CHN1: variants seen among roughly 807,000 people sequenced by gnomAD.
CHN1 encodes chimerin 1.
In CHN1, 37 loss-of-function variants were observed where a neutral mutation model predicts 59.5. That is an observed-to-expected ratio of 0.62 (90% CI 0.48 to 0.82). The LOEUF (loss-of-function observed/expected upper bound fraction) is 0.82. Ranked by LOEUF, CHN1 falls within the 40% of genes least tolerant of loss-of-function variation. The pLI, the probability that CHN1 is intolerant of heterozygous loss-of-function variation, is 0.00. For synonymous variants in CHN1, 206 were observed against 200.4 expected, an observed-to-expected ratio of 1.03 and a Z score of -0.24; for missense variants, 469 against 571.0, an observed-to-expected ratio of 0.82 and a Z score of 1.82.
In CHN1 at chr2:174,799,947, T is replaced by G. The variant is rs752691510; in HGVS notation, c.*169A>C. The G allele has an allele frequency of 2.4e-5, 17 of 712,862 alleles. No individual in the cohort carries two copies. Among genetic ancestry groups the G allele is most frequent in the Non-Finnish European group, 3.7e-5 (15 of 400,258 alleles). 44.2% of individuals were successfully genotyped at this position (712,862 alleles called of 1,614,324 possible). On this transcript the variant is annotated 3_prime_UTR_variant, in exon 13 of 13. Transcript: ENST00000409900. Reference sequence around the variant, plus strand: ...ACCAGAAAGCGTGTGTTCACTGTTTTACAAGACAGCTGAGCGGTGCTACAA... The same window carrying G: ...ACCAGAAAGCGTGTGTTCACTGTTTGACAAGACAGCTGAGCGGTGCTACAA...
At chr2:174,962,667 G>C (rs1025779379) in intron 1 of CHN1, among the ~76,000 whole-genome samples, 4 of 72,688 alleles carry the variant, frequency 5.5e-5, no homozygotes, top group African/African-American at 1.3e-4. Flanking sequence ...AAGGCCCGGG[G>C]GGGGGGGGGG....
chr2:174,818,374 G>A (rs1169718449), intron 8 of CHN1, among the ~76,000 whole-genome samples: 1 of 152,170 alleles, frequency 6.6e-6, no homozygotes, highest in Non-Finnish European at 1.5e-5. Flanking sequence ...TACATTCACA[G>A]TGCAATTCAC....
chr2:174,880,686 T>C (rs2105336329), intron 5 of CHN1, among the ~76,000 whole-genome samples: 1 of 152,274 alleles, frequency 6.6e-6, no homozygotes, highest in East Asian at 1.9e-4. Context: ...AGAGTTCCTA[T>C]CGCTTGGTAA....
chr2:175,000,698 C>T (rs1196000554), intron 1 of CHN1, among the ~76,000 whole-genome samples: 1 of 152,174 alleles, frequency 6.6e-6, no homozygotes, highest in Non-Finnish European at 1.5e-5. Context: ...CCCACCTCGG[C>T]CTCCCAAAAT....
At chr2:174,972,411 C>A (rs1318812606) in intron 1 of CHN1, among the ~76,000 whole-genome samples, 1 of 152,156 alleles carries the variant, frequency 6.6e-6, no homozygotes, top group Non-Finnish European at 1.5e-5. Context: ...AATCCCTAAC[C>A]CAATTTCAAA....
chr2:174,826,749 G>A (rs1406063156), intron 7 of CHN1, among the ~76,000 whole-genome samples: 1 of 152,140 alleles, frequency 6.6e-6, no homozygotes, highest in Non-Finnish European at 1.5e-5. Context: ...CAAAAAGCCT[G>A]GGATATTTCT....
chr2:174,808,808 C>T lies in CHN1; in HGVS notation c.1102+97G>A, dbSNP rs1001362767. 3.0e-6 allele frequency: 4 copies of T among 1,322,454 alleles called. No individual in the cohort carries two copies. The African/African-American group carries it at 5.8e-5, about 19-fold the overall frequency. The allele number at this position is 1,322,454 out of a possible 1,614,324, so 81.9% of individuals were successfully genotyped here. A position where few individuals can be genotyped will look rare whatever the true frequency, so the allele number is the denominator to read the frequency against. On this transcript the variant is annotated intron_variant, in intron 11 of 12. Transcript: ENST00000409900. ...ACCATAGAGAGAGGCAAAGGGGAAACATTTCATAAAATGCATTCAAGTTAG... is the reference window on the plus strand; with the variant it reads ...ACCATAGAGAGAGGCAAAGGGGAAATATTTCATAAAATGCATTCAAGTTAG...
chr2:174,927,915 CT>C (rs34710467), intron 3 of CHN1, among the ~76,000 whole-genome samples: 2 of 151,884 alleles, frequency 1.3e-5, no homozygotes, highest in Non-Finnish European at 1.5e-5. Flanking sequence ...CAAAATAGTA[CT>C]TTTTTTTCAG....
At chr2:174,819,448 C>T (rs954287395) in intron 8 of CHN1, among the ~76,000 whole-genome samples, 2 of 152,154 alleles carry the variant, frequency 1.3e-5, no homozygotes, top group African/African-American at 4.8e-5. Flanking sequence ...AATAATTATC[C>T]TTCTTAATTT....
chr2:174,808,797 C>A, intron 11 of CHN1, 108 bp downstream of exon 11: 1 of 1,203,616 alleles, frequency 8.3e-7, no homozygotes, highest in South Asian at 1.3e-5. Flanking sequence ...TAGAGAGAGG[C>A]AAAGGGGAAA....
At chr2:174,872,600 G>A (rs1428000288) in intron 6 of CHN1, among the ~76,000 whole-genome samples, 1 of 152,134 alleles carries the variant, frequency 6.6e-6, no homozygotes, top group Non-Finnish European at 1.5e-5. Context: ...AAAGGCATAC[G>A]TTTCCTGATT....
At chr2:174,890,894 C>A (rs181880017) in intron 5 of CHN1, among the ~76,000 whole-genome samples, 1 of 151,878 alleles carries the variant, frequency 6.6e-6, no homozygotes, top group Admixed American at 6.6e-5. Context: ...TTTCTGATCA[C>A]AATGAAGTGA....
At chr2:174,975,837 TA>T (rs1345052899) in intron 1 of CHN1, among the ~76,000 whole-genome samples, 1 of 151,854 alleles carries the variant, frequency 6.6e-6, no homozygotes. Context: ...TATATATCTT[TA>T]AAACAAACAA....
At chr2:174,807,931 A>C (rs190544080) in intron 11 of CHN1, among the ~76,000 whole-genome samples, 1 of 152,372 alleles carries the variant, frequency 6.6e-6, no homozygotes, top group East Asian at 1.9e-4. Flanking sequence ...TGACAGAAAT[A>C]GCCTATCTTT....
chr2:174,925,263 T>A (rs1046716851), intron 3 of CHN1, among the ~76,000 whole-genome samples: 2 of 152,104 alleles, frequency 1.3e-5, no homozygotes, highest in African/African-American at 4.8e-5. Flanking sequence ...AGCATTAACA[T>A]TGAAATAGAG....
chr2:174,950,787 T>G (rs1008096311), intron 2 of CHN1, among the ~76,000 whole-genome samples: 18 of 150,366 alleles, frequency 1.2e-4, no homozygotes, highest in Admixed American at 8.6e-4. Context: ...GTTTTTTTTT[T>G]TTTTTTTTTT....
chr2:174,982,386 G>A (rs751558884), intron 1 of CHN1, among the ~76,000 whole-genome samples: 2 of 152,150 alleles, frequency 1.3e-5, no homozygotes, highest in African/African-American at 4.8e-5. Context: ...GACTTCCACA[G>A]TGGTTGAACT....
intron 6 of CHN1, among the ~76,000 whole-genome samples, chr2:174,869,516 G>C (rs1687337307): frequency 6.6e-6 from 1 of 151,832 alleles, no homozygotes; most frequent in African/African-American, 2.4e-5. Context: ...TCTGGGTGGG[G>C]GTAAGATTTT....
chr2:174,838,156 C>T (rs527277352), intron 7 of CHN1, among the ~76,000 whole-genome samples: 2 of 152,016 alleles, frequency 1.3e-5, no homozygotes, highest in South Asian at 2.1e-4. Flanking sequence ...TGCAATGGCA[C>T]GATCTTGGCT....
Sources: allele counts gnomAD v4.1 joint callset (sites outside exome capture counted in the v4.1 genomes callset), GRCh38; gene constraint gnomAD v4.1.1; transcripts MANE v1.5; gene names NCBI Gene and HGNC (gene_info 2026-07-23, HGNC 2026-07-21).